CUBN: variants seen among roughly 807,000 people sequenced by gnomAD.
CUBN encodes cubilin.
Under a neutral mutation model 405.3 loss-of-function variants are expected in CUBN, and 282 were observed. The ratio of observed to expected loss-of-function variants is 0.70; its 90% CI spans 0.63 to 0.77. The LOEUF (loss-of-function observed/expected upper bound fraction) is 0.77, where lower values mean the gene tolerates loss of function less well. CUBN is among the 30% of genes least tolerant of loss of function. The probability of loss-of-function intolerance (pLI) is 0.00; values close to 1 mark genes in which losing one functional copy is unlikely to be tolerated. For synonymous variants in CUBN, 1,684 were observed against 1,617.0 expected, an observed-to-expected ratio of 1.04 and a Z score of -0.99; for missense variants, 4,514 against 4,475.2, an observed-to-expected ratio of 1.01 and a Z score of -0.25.
chr10:17,065,617 C>A lies in CUBN; in HGVS notation c.3030G>T (p.Pro1010=). The A allele has an allele frequency of 1.9e-6, 3 of 1,613,314 alleles. No homozygotes were observed. Among genetic ancestry groups the A allele is most frequent in the South Asian group, 2.2e-5 (2 of 91,052 alleles). ...AGTTACCACTGCTTGTGAGAGATGG[C>A]GGGATCGACTTTCCACAGTATCTAT... is the stretch of plus-strand genomic sequence containing the variant. ...SLGRYCGKSI[P]PSLTSSGNSL... Residue 1010 remains proline, a synonymous_variant, in exon 22 of 67, where the codon CCG becomes CCT. Coordinates refer to ENST00000377833, the MANE Select transcript of CUBN (RefSeq NM_001081.4).
rs141937843 is a variant in CUBN, at chr10:16,831,397, G to T, written c.10383C>A (p.Ser3461Arg). ...AGTACTTGCCCAGTAATGGTGAATTGCTGTTACTTCCATTTCTCACCTTTA... is the reference window on the plus strand; with the variant it reads ...AGTACTTGCCCAGTAATGGTGAATTTCTGTTACTTCCATTTCTCACCTTTA... ...DFLEVRNGSN[S>R]NSPLLGKYCG... Residue 3461 changes from serine to arginine, a missense_variant, in exon 65 of 67, where the codon AGC becomes AGA. This residue lies in a region of CUBN where 1,186 missense variants were observed against 1,186.9 expected (regional missense o/e 1.00). Transcript: ENST00000377833. 6.2e-7 allele frequency: 1 copy of T among 1,613,772 alleles called. No homozygotes were observed. Among genetic ancestry groups the T allele is most frequent in the Admixed American group, 1.7e-5 (1 of 60,012 alleles).
chr10:16,918,652 G>A lies in CUBN; in HGVS notation c.6970C>T (p.His2324Tyr). ...LRFRSDNSPT[H>Y]VGFKAKYSIA... is the part of the protein sequence containing the mutation. Reference sequence around the variant, plus strand: ...GAATACTTGGCCTTGAATCCCACATGTGTGGGGCTGTTGTCAGATCGAAAT... The same window carrying A: ...GAATACTTGGCCTTGAATCCCACATATGTGGGGCTGTTGTCAGATCGAAAT... The change falls in exon 45 of 67, where the codon CAT (histidine) becomes TAT (tyrosine). Residue 2324 changes from histidine (H) to tyrosine (Y), a missense_variant. Coordinates refer to ENST00000377833, the MANE Select transcript of CUBN (RefSeq NM_001081.4). 1 of 1,613,768 alleles carries A rather than the reference G, an allele frequency of 6.2e-7. No individual in the cohort carries two copies. The highest frequency in any genetic ancestry group is 8.5e-7 in the Non-Finnish European group (1 of 1,179,760).
rs1351560538 is a variant in CUBN, at chr10:16,982,503, G to A, written c.4676C>T (p.Pro1559Leu). ...ACTTACCATAATACAAGAGTCTTGTGGTTCAAGATCAAAGTCAGTGAAGTT... is the reference window on the plus strand; with the variant it reads ...ACTTACCATAATACAAGAGTCTTGTAGTTCAAGATCAAAGTCAGTGAAGTT... The part of the protein sequence containing the change: ...LLNFTDFDLE[P>L]QDSCIMAYDG... The change falls in exon 31 of 67, where the codon CCA (proline) becomes CTA (leucine). Residue 1559 changes from proline (P) to leucine (L), a missense_variant. Pro to Leu is a moderately conservative substitution (Grantham distance 98). Coordinates refer to ENST00000377833, the MANE Select transcript of CUBN (RefSeq NM_001081.4). The A allele has an allele frequency of 6.2e-7, 1 of 1,613,426 alleles. No individual in the cohort carries two copies. Among genetic ancestry groups the A allele is most frequent in the Admixed American group, 1.7e-5 (1 of 59,992 alleles).
At chr10:17,102,299 A>ATTTATTTG (rs1361855285) in intron 13 of CUBN, among the ~76,000 whole-genome samples, 2 of 134,050 alleles carry the variant, frequency 1.5e-5, no homozygotes, top group East Asian at 2.1e-4. Context: ...TTATTTATTT[A>ATTTATTTG]TTTTTGAGAC....
chr10:16,900,918 C>T, intron 52 of CUBN, 68 bp from the exon 53 acceptor site: 1 of 1,048,980 alleles, frequency 9.5e-7, no homozygotes, highest in Non-Finnish European at 1.4e-6. Context: ...AAGGCCCTTA[C>T]AAATCGTTTA....
At chr10:16,834,452 A>C (rs7897716) in intron 64 of CUBN, among the ~76,000 whole-genome samples, 26,657 of 152,036 alleles carry the variant, frequency 0.18, 2,847 homozygotes, top group East Asian at 0.46. Flanking sequence ...TTCTGTGCCC[A>C]AATTCAAGCT....
chr10:17,125,509 T>C lies in CUBN; in HGVS notation c.387+1252A>G, dbSNP rs530576229. On this transcript the variant is annotated intron_variant, in intron 4 of 66. Coordinates refer to ENST00000377833, the MANE Select transcript of CUBN (RefSeq NM_001081.4). Reference sequence around the variant, plus strand: ...GCACAACAATTGGCTCTGTCCATCATAGAATGCTCTTTAAAACATTAACCA... The same window carrying C: ...GCACAACAATTGGCTCTGTCCATCACAGAATGCTCTTTAAAACATTAACCA... Among the ~76,000 whole-genome samples, 207 of 152,346 alleles carry C rather than the reference T, an allele frequency of 1.4e-3. 1 individual carries two copies. Among genetic ancestry groups the C allele is most frequent in the African/African-American group, 4.7e-3 (196 of 41,596 alleles).
intron 1 of CUBN, 73 bp from the exon 2 acceptor site, chr10:17,129,323 T>A: frequency 2.0e-6 from 3 of 1,534,992 alleles, no homozygotes; most frequent in Non-Finnish European, 2.7e-6. Context: ...ACAAAGTTTC[T>A]TACTGAATAA....
intron 53 of CUBN, 45 bp downstream of exon 53, chr10:16,900,580 T>C: frequency 7.1e-7 from 1 of 1,401,502 alleles, no homozygotes; most frequent in African/African-American, 1.4e-5. Flanking sequence ...GTTCATACTA[T>C]ACATCACTAA....
chr10:17,061,161 C>A (rs1263622300), intron 22 of CUBN, among the ~76,000 whole-genome samples: 2 of 152,112 alleles, frequency 1.3e-5, no homozygotes, highest in African/African-American at 4.8e-5. Flanking sequence ...GACTTCTGAC[C>A]TCCCTACAGC....
At chr10:17,070,085 A>G (rs2130805) in intron 19 of CUBN, among the ~76,000 whole-genome samples, 19 of 152,032 alleles carry the variant, frequency 1.2e-4, no homozygotes, top group Non-Finnish European at 2.2e-4. Context: ...CAGCACCATA[A>G]TTTTGCATGT....
chr10:17,117,327 G>A (rs1836927153), intron 6 of CUBN, among the ~76,000 whole-genome samples: 1 of 152,096 alleles, frequency 6.6e-6, no homozygotes, highest in African/African-American at 2.4e-5. Flanking sequence ...AGTTTACTTT[G>A]CCACCTGTCC....
intron 56 of CUBN, among the ~76,000 whole-genome samples, chr10:16,878,893 A>C (rs74440730): frequency 0.087 from 13,252 of 152,268 alleles, 618 homozygotes; most frequent in South Asian, 0.13. Context: ...ATGTGTCAGT[A>C]TGTCATTCCT....
In CUBN at chr10:16,982,634, C is replaced by G; in HGVS notation, c.4545G>C (p.Gln1515His). 1.2e-6 allele frequency: 2 copies of G among 1,613,178 alleles called. No individual in the cohort carries two copies. The highest frequency in any genetic ancestry group is 1.7e-6 in the Non-Finnish European group (2 of 1,179,310). ...GAGAATGAATCTCTCCACTGGGAGC[C>G]TGGAAAATCCCACCACAACCTGGAA... ...AVTGGCGGIF[Q>H]APSGEIHSPN... The change falls in exon 31 of 67, where the codon CAG becomes CAC. Residue 1515 changes from glutamine to histidine, a missense_variant. Physicochemically the swap from Gln to His is conservative, Grantham distance 24. This residue lies in a region of CUBN where 1,613 missense variants were observed against 1,542.8 expected (regional missense o/e 1.05). Transcript: ENST00000377833.
intron 31 of CUBN, among the ~76,000 whole-genome samples, chr10:16,968,982 G>A (rs1843476769): frequency 1.3e-5 from 2 of 152,222 alleles, no homozygotes; most frequent in African/African-American, 4.8e-5. Flanking sequence ...CCAGCTTCCT[G>A]ATTAGCTCCC....
chr10:17,013,070 G>T (rs1022099380), intron 28 of CUBN, among the ~76,000 whole-genome samples: 1 of 152,210 alleles, frequency 6.6e-6, no homozygotes, highest in Admixed American at 6.5e-5. Flanking sequence ...GTGTTACAGA[G>T]TTACAGAGAA....
chr10:17,114,187 G>C lies in CUBN; in HGVS notation c.723C>G (p.Pro241=). 6.2e-7 allele frequency: 1 copy of C among 1,613,702 alleles called. No individual in the cohort carries two copies. The highest frequency in any genetic ancestry group is 2.2e-5 in the East Asian group (1 of 44,868). ...CAGCATCACAGACGCAGCTGTACTT[G>C]GGCTGGCAGGATGACAACAGCGTGA... ...EDLMREQAGE[P]KYSCVCDAGW... The change falls in exon 8 of 67, where the codon CCC becomes CCG. Residue 241 remains proline (P), a splice_region_variant and synonymous_variant. Coordinates refer to ENST00000377833, the MANE Select transcript of CUBN (RefSeq NM_001081.4).
chr10:16,942,737 A>G (rs1408255268), intron 36 of CUBN, among the ~76,000 whole-genome samples: 2 of 151,896 alleles, frequency 1.3e-5, no homozygotes, highest in Admixed American at 6.6e-5. Context: ...TTATACCCCA[A>G]TGAAATGAAA....
chr10:16,925,385 G>A lies in CUBN; in HGVS notation c.6502C>T (p.Pro2168Ser). The A allele has an allele frequency of 6.2e-7, 1 of 1,613,918 alleles. No homozygotes were observed. Among genetic ancestry groups the A allele is most frequent in the African/African-American group, 1.3e-5 (1 of 75,010 alleles). ...GPDICSPPLG[P>S]PGGNGHFCGS... is the part of the protein sequence containing the mutation. ...CAAAAATGACCATTTCCTCCAGGGG[G>A]TCCCAAGGGTGGAGAACAGATATCA... The change falls in exon 43 of 67, where the codon CCC becomes TCC. Residue 2168 changes from proline (P) to serine (S), a missense_variant. By Grantham distance (74) the Pro-to-Ser change is moderately conservative. Around this residue, in one of 5 missense-constraint regions of CUBN, gnomAD observed 1,613 missense variants for 1,542.8 expected, o/e 1.05. Transcript: ENST00000377833.
Sources: allele counts gnomAD v4.1 joint callset (sites outside exome capture counted in the v4.1 genomes callset), GRCh38; gene constraint gnomAD v4.1.1; regional missense constraint gnomAD v4.1.1; transcripts MANE v1.5; gene names NCBI Gene and HGNC (gene_info 2026-07-23, HGNC 2026-07-21).